The following PTPRK variants were observed in gnomAD, a reference collection of about 807,000 sequenced individuals.
The protein encoded by PTPRK is protein tyrosine phosphatase receptor type K, also known as receptor-type tyrosine-protein phosphatase kappa.
In PTPRK, 75 loss-of-function variants were observed where a neutral mutation model predicts 178.0. The ratio of observed to expected loss-of-function variants is 0.42; its 90% confidence interval spans 0.35 to 0.51. The LOEUF is 0.51. Ranked by LOEUF, PTPRK falls within the 20% of genes least tolerant of loss-of-function variation. The pLI is 0.02. For missense variants in PTPRK, 1,441 were observed against 1,797.8 expected (o/e 0.80, Z 3.59); for synonymous variants, 637 against 620.6 (o/e 1.03, Z -0.39).
intron 7 of PTPRK, among the ~76,000 whole-genome samples, chr6:128,117,859 G>C (rs1583082656): frequency 6.6e-6 from 1 of 152,040 alleles, no homozygotes; most frequent in East Asian, 1.9e-4. Context: ...TACCATGTTG[G>C]CCAGACTGGT....
intron 3 of PTPRK, among the ~76,000 whole-genome samples, chr6:128,317,713 C>T (rs1828206073): frequency 2.0e-5 from 3 of 152,078 alleles, no homozygotes; most frequent in Admixed American, 2.0e-4. Context: ...CAGCTATTTC[C>T]TTCCTCGCAG....
intron 3 of PTPRK, among the ~76,000 whole-genome samples, chr6:128,299,662 T>C (rs1584001292): frequency 4.6e-5 from 7 of 152,160 alleles, no homozygotes; most frequent in Middle Eastern, 6.8e-3. Context: ...GAAAACTGGC[T>C]AGCCTTATGT....
At chr6:128,013,931 C>T (rs1779319412) in intron 13 of PTPRK, among the ~76,000 whole-genome samples, 1 of 151,530 alleles carries the variant, frequency 6.6e-6, no homozygotes, top group East Asian at 1.9e-4. Flanking sequence ...TATCACTTCA[C>T]TGATTAGAGC....
chr6:128,069,433 G>T (rs1782424374), intron 11 of PTPRK, among the ~76,000 whole-genome samples: 1 of 152,118 alleles, frequency 6.6e-6, no homozygotes, highest in Admixed American at 6.6e-5. Context: ...GCAGGCATTT[G>T]TCAATTTTAA....
intron 1 of PTPRK, among the ~76,000 whole-genome samples, chr6:128,478,990 T>C (rs1010215970): frequency 7.2e-5 from 11 of 151,808 alleles, no homozygotes; most frequent in Non-Finnish European, 1.5e-4. Context: ...CACTCCTCCC[T>C]AGAGAGCTAT....
At chr6:128,508,384 A>C (rs144981298) in intron 1 of PTPRK, among the ~76,000 whole-genome samples, 1 of 150,710 alleles carries the variant, frequency 6.6e-6, no homozygotes, top group Non-Finnish European at 1.5e-5. Context: ...GCTCTTAAAA[A>C]CCAGGCAGAA....
chr6:128,181,337 G>T (rs546440039), intron 7 of PTPRK, among the ~76,000 whole-genome samples: 24 of 151,878 alleles, frequency 1.6e-4, no homozygotes, highest in African/African-American at 5.5e-4. Flanking sequence ...CTTTTTGATT[G>T]GTACTTATTT....
At chr6:128,272,310 T>C (rs1819962011) in intron 3 of PTPRK, among the ~76,000 whole-genome samples, 3 of 152,128 alleles carry the variant, frequency 2.0e-5, no homozygotes, top group South Asian at 2.1e-4. Context: ...AAGGACCTCA[T>C]GACTAAAACA....
At chr6:128,240,636 AC>A (rs1475792430) in intron 4 of PTPRK, among the ~76,000 whole-genome samples, 4 of 152,176 alleles carry the variant, frequency 2.6e-5, no homozygotes, top group African/African-American at 9.7e-5. Flanking sequence ...TTTAAAAAAA[AC>A]ATCAATAGTT....
intron 1 of PTPRK, among the ~76,000 whole-genome samples, chr6:128,435,627 A>C (rs888974233): frequency 2.0e-5 from 3 of 152,198 alleles, no homozygotes; most frequent in Non-Finnish European, 2.9e-5. Context: ...GTATGGTCTT[A>C]AAGCAGTTCG....
chr6:128,058,054 C>T (rs1780202011), intron 13 of PTPRK, among the ~76,000 whole-genome samples: 1 of 152,190 alleles, frequency 6.6e-6, no homozygotes, highest in Admixed American at 6.5e-5. Flanking sequence ...GCCCAACTTA[C>T]TTATCCAATC....
chr6:128,426,619 T>C (rs1844172301), intron 1 of PTPRK, among the ~76,000 whole-genome samples: 1 of 152,212 alleles, frequency 6.6e-6, no homozygotes, highest in Admixed American at 6.5e-5. Flanking sequence ...TAAAATCATG[T>C]AGGAACAAGA....
chr6:128,466,756 C>T (rs1562581333), intron 1 of PTPRK, among the ~76,000 whole-genome samples: 1 of 151,984 alleles, frequency 6.6e-6, no homozygotes, highest in Non-Finnish European at 1.5e-5. Context: ...ACAGAAAAGG[C>T]AGAGTATGCT....
intron 2 of PTPRK, among the ~76,000 whole-genome samples, chr6:128,333,450 C>G (rs1352113724): frequency 1.3e-5 from 2 of 151,774 alleles, no homozygotes; most frequent in Non-Finnish European, 2.9e-5. Flanking sequence ...TTATACAATA[C>G]TGTAGTCCAT....
At chr6:128,019,638 G>C (rs985438439) in intron 13 of PTPRK, among the ~76,000 whole-genome samples, 1 of 151,836 alleles carries the variant, frequency 6.6e-6, no homozygotes, top group Non-Finnish European at 1.5e-5. Flanking sequence ...TGAATTATTT[G>C]TTGTCCCTGG....
chr6:128,297,142 T>C (rs1490543868), intron 3 of PTPRK, among the ~76,000 whole-genome samples: 18 of 151,592 alleles, frequency 1.2e-4, no homozygotes, highest in Non-Finnish European at 2.4e-4. Context: ...CATTACATAA[T>C]GGTAAAGGGA....
intron 3 of PTPRK, among the ~76,000 whole-genome samples, chr6:128,291,812 T>C (rs998663814): frequency 6.6e-6 from 1 of 152,172 alleles, no homozygotes; most frequent in Admixed American, 6.6e-5. Context: ...TGCCATTTTC[T>C]GTGTTCTTAC....
chr6:128,454,702 C>A (rs1302849554), intron 1 of PTPRK, among the ~76,000 whole-genome samples: 3 of 152,116 alleles, frequency 2.0e-5, no homozygotes, highest in Non-Finnish European at 4.4e-5. Flanking sequence ...ATATAGGCAT[C>A]TCAGCACTGT....
intron 3 of PTPRK, among the ~76,000 whole-genome samples, chr6:128,283,108 G>A (rs1583888223): frequency 6.6e-6 from 1 of 152,300 alleles, no homozygotes; most frequent in South Asian, 2.1e-4. Context: ...TCTCCAGGAA[G>A]GTGAGGACAG....
Sources: gnomAD v4.1 joint callset for allele counts (sites outside exome capture counted in the v4.1 genomes callset) on GRCh38, gnomAD v4.1.1 for gene constraint, MANE v1.5 for transcripts, NCBI Gene and HGNC (gene_info 2026-07-23, HGNC 2026-07-21) for gene names.